Variants in ACOX3 observed in about 807,000 individuals in gnomAD.
The protein encoded by ACOX3 is peroxisomal acyl-coenzyme A oxidase 3.
A neutral mutation model predicts 81.5 loss-of-function variants in ACOX3; 73 were observed. That is an observed-to-expected ratio of 0.90 (90% CI 0.74 to 1.09). The LOEUF is 1.09. Ranked by LOEUF, ACOX3 falls within the 50% of genes least tolerant of loss-of-function variation. ACOX3 has a pLI of 0.00. For missense variants in ACOX3, 947 were observed against 928.0 expected, an observed-to-expected ratio of 1.02 and a Z score of -0.27; for synonymous variants, 387 against 375.1, an observed-to-expected ratio of 1.03 and a Z score of -0.37.
At position 8,381,678 on chromosome 4, in the gene ACOX3, G is replaced by T; in HGVS notation, c.1538-71C>A. On this transcript the variant is annotated intron_variant, in intron 13 of 17. Transcript: ENST00000356406. This position sits in a 1 kb window ranked among gnomAD's most constrained non-coding sequence, Gnocchi z 4.3. ...CAGCATTTGTCACAACTCACCCCCA[G>T]GGACAAGGCACTGCCAGCATCCTGC... The T allele has an allele frequency of 2.5e-6, 3 of 1,195,348 alleles. No homozygotes were observed. The highest frequency in any genetic ancestry group is 2.4e-6 in the Non-Finnish European group (2 of 820,336). The allele number at this position is 1,195,348 out of a possible 1,614,324, so 74.0% of individuals were successfully genotyped here. A position where few individuals can be genotyped will look rare whatever the true frequency, so the allele number is the denominator to read the frequency against.
rs1718347386 is a variant in ACOX3 at position 8,386,726 on chromosome 4, T to TGATGCAGACGCTTCCTGATGAC, written c.1537+2425_1537+2446dup. ...GCAGTGACCACGAGAAAGCAAGCAG[T>TGATGCAGACGCTTCCTGATGAC]GATGCAGACGCTTCCTGATGACGAT... On this transcript the variant is annotated intron_variant, in intron 13 of 17. Coordinates refer to ENST00000356406, the MANE Select transcript of ACOX3 (RefSeq NM_003501.3). The surrounding 1 kb of genome is among the most constrained non-coding windows in gnomAD (Gnocchi z 5.2). 6.6e-6 allele frequency among the ~76,000 whole-genome samples: 1 copy of TGATGCAGACGCTTCCTGATGAC among 151,464 alleles called. No individual in the cohort carries two copies. The highest frequency in any genetic ancestry group is 2.4e-5 in the African/African-American group (1 of 41,176).
At chr4:8,439,098 A>G (rs1407988924) in intron 1 of ACOX3, 1 of 152,198 alleles carries the variant, frequency 6.6e-6, no homozygotes, top group Non-Finnish European at 1.5e-5. Context: ...CTGTTTTCCT[A>G]TTGTTCTGTC....
intron 1 of ACOX3, among the ~76,000 whole-genome samples, chr4:8,427,120 C>G (rs1189662316): frequency 2.6e-5 from 4 of 152,254 alleles, no homozygotes; most frequent in Middle Eastern, 3.4e-3. Context: ...GGGCTTGTAA[C>G]TCAGCTCACA....
rs536142527 is a variant in ACOX3, at chr4:8,437,245, G to A, written c.-15+3403C>T. The stretch of plus-strand genomic sequence containing the variant: ...CCCAGTCTATAAAAGTGGCCACCAA[G>A]GCGTATGTTAGCTGTGACCAAGGAA... On this transcript the variant is annotated intron_variant, in intron 1 of 17. Coordinates refer to ENST00000356406, the MANE Select transcript of ACOX3 (RefSeq NM_003501.3). This position sits in a 1 kb window ranked among gnomAD's most constrained non-coding sequence, Gnocchi z 5.2. 6.6e-6 allele frequency among the ~76,000 whole-genome samples: 1 copy of A among 151,390 alleles called. No homozygotes were observed. The highest frequency in any genetic ancestry group is 2.1e-4 in the South Asian group (1 of 4,806).
Position 8,394,003 on chromosome 4 carries a change from A to T in ACOX3, c.1179+617T>A, listed in dbSNP as rs148243343. On this transcript the variant is annotated intron_variant, in intron 10 of 17. Transcript: ENST00000356406. The surrounding 1 kb of genome is among the most constrained non-coding windows in gnomAD (Gnocchi z 5.9). ...ACCGATAATATTTCAAGATATGCTA[A>T]TTAGATACAGGCTTTTTCTGATGTT... Among the ~76,000 whole-genome samples the T allele has an allele frequency of 1.2e-3, 183 of 152,326 alleles. 2 individuals are homozygous for T. The highest frequency in any genetic ancestry group is 4.2e-3 in the African/African-American group (173 of 41,574).
chr4:8,439,187 T>C (rs1352636434), intron 1 of ACOX3: 1 of 152,230 alleles, frequency 6.6e-6, no homozygotes, highest in East Asian at 1.9e-4. Flanking sequence ...TGTTTTGTTA[T>C]TGTTACCCCC....
Position 8,440,701 on chromosome 4 carries a change from C to G in ACOX3, c.-68G>C, listed in dbSNP as rs550198706. On this transcript the variant is annotated 5_prime_UTR_variant, in exon 1 of 18. Coordinates refer to ENST00000356406, the MANE Select transcript of ACOX3 (RefSeq NM_003501.3). ...AGGGAAACCAAAAGCAGGAAAGGAT[C>G]TCCAGCGGCGCCATTCTCATTTCCG... 2.4e-5 allele frequency: 29 copies of G among 1,232,568 alleles called. No individual in the cohort carries two copies. Among genetic ancestry groups the G allele is most frequent in the Non-Finnish European group, 2.9e-5 (27 of 942,376 alleles). 76.4% of individuals were successfully genotyped at this position (1,232,568 alleles called of 1,614,324 possible).
Position 8,375,070 on chromosome 4 carries a change from G to A in ACOX3, c.1736C>T (p.Ser579Phe), listed in dbSNP as rs1436317757. ...CACGGCCCGCAGCGAGGGCGGCACG[G>A]AAGGCTGGTGCACGTGCTCGTGGAA... ...QRFHEHVHQP[S>F]VPPSLRAVLG... Residue 579 changes from serine to phenylalanine, a missense_variant, in exon 15 of 18, where the codon TCC becomes TTC. Transcript: ENST00000356406. 1 of 1,554,512 alleles carries A rather than the reference G, an allele frequency of 6.4e-7. No individual in the cohort carries two copies. The highest frequency in any genetic ancestry group is 8.7e-7 in the Non-Finnish European group (1 of 1,148,900).
intron 6 of ACOX3, among the ~76,000 whole-genome samples, chr4:8,408,580 G>A (rs1721288740): frequency 6.6e-6 from 1 of 152,170 alleles, no homozygotes; most frequent in Non-Finnish European, 1.5e-5. Context: ...GGCAACTCCC[G>A]CAAGAAGTCC....
Position 8,423,364 on chromosome 4 carries a change from G to C in ACOX3, c.-14-6829C>G, listed in dbSNP as rs1016864924. The stretch of plus-strand genomic sequence containing the variant: ...CCTACTTGAGGAAGGAATTAATCCT[G>C]AAGTCTGGGCAACAGAAGGACAATA... On this transcript the variant is annotated intron_variant, in intron 1 of 17. Coordinates refer to ENST00000356406, the MANE Select transcript of ACOX3 (RefSeq NM_003501.3). The surrounding 1 kb of genome is among the most constrained non-coding windows in gnomAD (Gnocchi z 4.2). Among the ~76,000 whole-genome samples, 2 of 152,130 alleles carry C rather than the reference G, an allele frequency of 1.3e-5. No individual in the cohort carries two copies. The highest frequency in any genetic ancestry group is 2.9e-5 in the Non-Finnish European group (2 of 68,024).
chr4:8,429,677 G>A (rs1459014517), intron 1 of ACOX3, among the ~76,000 whole-genome samples: 1 of 152,194 alleles, frequency 6.6e-6, no homozygotes, highest in African/African-American at 2.4e-5. Context: ...ACAAGGCTAG[G>A]TGATTAAAGG....
chr4:8,383,811 G>A (rs1717984294), intron 13 of ACOX3, among the ~76,000 whole-genome samples: 3 of 152,194 alleles, frequency 2.0e-5, no homozygotes, highest in Admixed American at 1.3e-4. Context: ...GTTCCTAAAG[G>A]CTCTGCAACA....
intron 7 of ACOX3, among the ~76,000 whole-genome samples, chr4:8,404,829 G>A (rs1034698072): frequency 2.0e-5 from 3 of 152,132 alleles, no homozygotes; most frequent in Non-Finnish European, 4.4e-5. Flanking sequence ...CATCTTTCAG[G>A]CTATCAGGCT....
intron 15 of ACOX3, chr4:8,374,020 G>T: frequency 4.1e-6 from 1 of 245,864 alleles, no homozygotes; most frequent in Non-Finnish European, 8.0e-6. Context: ...GGGCGCAGGG[G>T]CGAGGGGGTG....
In ACOX3 at chr4:8,388,796, G is replaced by A. The variant is rs553899403; in HGVS notation, c.1537+377C>T. On this transcript the variant is annotated intron_variant, in intron 13 of 17. Transcript: ENST00000356406. ...GGCCTGGGAGTGGGGAAGACTGACAGGTGAGGTGGCTGGGAGGGCCCAGGG... is the reference window on the plus strand; with the variant it reads ...GGCCTGGGAGTGGGGAAGACTGACAAGTGAGGTGGCTGGGAGGGCCCAGGG... 3.9e-5 allele frequency among the ~76,000 whole-genome samples: 6 copies of A among 152,342 alleles called. No individual in the cohort carries two copies. In the South Asian group the frequency reaches 6.2e-4, roughly 16 times the overall value.
rs1721170087 is a variant in ACOX3, at chr4:8,407,819, T to C, written c.688-1776A>G. ...GACGGAAGGACGTGGAGCTTCATCCTTGGGCACTGTTACAGCAGGGATTCC... is the reference window on the plus strand; with the variant it reads ...GACGGAAGGACGTGGAGCTTCATCCCTGGGCACTGTTACAGCAGGGATTCC... On this transcript the variant is annotated intron_variant, in intron 6 of 17. Transcript: ENST00000356406. The surrounding 1 kb of genome is among the most constrained non-coding windows in gnomAD (Gnocchi z 4.6). Among the ~76,000 whole-genome samples the C allele has an allele frequency of 6.6e-6, 1 of 152,356 alleles. No individual in the cohort carries two copies. Among genetic ancestry groups the C allele is most frequent in the African/African-American group, 2.4e-5 (1 of 41,596 alleles).
chr4:8,407,805 G>A lies in ACOX3; in HGVS notation c.688-1762C>T, dbSNP rs549912894. ...CACTGTGGGAACTCGACGGAAGGACGTGGAGCTTCATCCTTGGGCACTGTT... is the reference window on the plus strand; with the variant it reads ...CACTGTGGGAACTCGACGGAAGGACATGGAGCTTCATCCTTGGGCACTGTT... On this transcript the variant is annotated intron_variant, in intron 6 of 17. Transcript: ENST00000356406. The surrounding 1 kb of genome is among the most constrained non-coding windows in gnomAD (Gnocchi z 4.6). Among the ~76,000 whole-genome samples, 8 of 152,382 alleles carry A rather than the reference G, an allele frequency of 5.2e-5. No individual in the cohort carries two copies. In the South Asian group the frequency reaches 1.0e-3, roughly 20 times the overall value.
downstream of ACOX3, among the ~76,000 whole-genome samples, chr4:8,365,519 C>T (rs1052157529): frequency 1.3e-5 from 2 of 152,206 alleles, no homozygotes; most frequent in African/African-American, 4.8e-5. Context: ...GCTTCTGGTC[C>T]CGCTCGGCCA....
chr4:8,419,903 A>G lies in ACOX3; in HGVS notation c.-14-3368T>C. Among the ~76,000 whole-genome samples the G allele has an allele frequency of 6.6e-6, 1 of 152,102 alleles. No individual in the cohort carries two copies. Among genetic ancestry groups the G allele is most frequent in the African/African-American group, 2.4e-5 (1 of 41,396 alleles). On this transcript the variant is annotated intron_variant, in intron 1 of 17. Transcript: ENST00000356406. This position sits in a 1 kb window ranked among gnomAD's most constrained non-coding sequence, Gnocchi z 4.2. ...GGAATTCCCCTCTCCATGCGCCATA[A>G]CCTCAGTACATTACCAAGTCCACAG...
Sources: gnomAD v4.1 joint callset for allele counts (sites outside exome capture counted in the v4.1 genomes callset) on GRCh38, gnomAD v4.1.1 for gene constraint, Gnocchi (gnomAD v3.1) non-coding constraint, MANE v1.5 for transcripts, NCBI Gene and HGNC (gene_info 2026-07-23, HGNC 2026-07-21) for gene names.